Variants in STAM observed in about 807,000 individuals in gnomAD.
STAM encodes the protein signal transducing adapter molecule 1.
A neutral mutation model predicts 63.4 loss-of-function variants in STAM; 16 were observed. The observed-to-expected ratio is 0.25, with a 90% CI of 0.17 to 0.38. The LOEUF (loss-of-function observed/expected upper bound fraction) is 0.38, where lower values mean the gene tolerates loss of function less well. Ranked by LOEUF, STAM falls within the 10% of genes least tolerant of loss-of-function variation. STAM has a pLI of 1.00. For synonymous variants in STAM, 238 were observed against 223.9 expected, an observed-to-expected ratio of 1.06 and a Z score of -0.56; for missense variants, 636 against 657.1, an observed-to-expected ratio of 0.97 and a Z score of 0.35.
intron 2 of STAM, among the ~76,000 whole-genome samples, chr10:17,669,357 T>G (rs1834531215): frequency 6.6e-6 from 1 of 151,552 alleles, no homozygotes; most frequent in South Asian, 2.1e-4. Flanking sequence ...TCTTGAGGTT[T>G]TTTTTTTTTT....
At chr10:17,709,466 T>G (rs1329228008) in intron 13 of STAM, among the ~76,000 whole-genome samples, 1 of 152,192 alleles carries the variant, frequency 6.6e-6, no homozygotes, top group African/African-American at 2.4e-5. Flanking sequence ...CACCCTTGTT[T>G]CTCAGGAGGC....
intron 1 of STAM, among the ~76,000 whole-genome samples, chr10:17,644,809 G>C (rs957902579): frequency 1.2e-4 from 19 of 152,280 alleles, no homozygotes; most frequent in African/African-American, 4.1e-4. Context: ...GAATGTTTTA[G>C]GTAAGGTTCC....
chr10:17,659,172 T>A (rs1300307112), intron 1 of STAM, among the ~76,000 whole-genome samples: 1 of 152,040 alleles, frequency 6.6e-6, no homozygotes, highest in Non-Finnish European at 1.5e-5. Flanking sequence ...CTAATCCAAG[T>A]CTGCTTTCAG....
At chr10:17,702,625 T>C (rs1836047727) in intron 9 of STAM, among the ~76,000 whole-genome samples, 1 of 152,118 alleles carries the variant, frequency 6.6e-6, no homozygotes, top group African/African-American at 2.4e-5. Flanking sequence ...AGAAACAAAA[T>C]TTGAAGAGCG....
At chr10:17,661,381 T>C (rs1830387062) in intron 2 of STAM, among the ~76,000 whole-genome samples, 1 of 152,208 alleles carries the variant, frequency 6.6e-6, no homozygotes, top group Admixed American at 6.5e-5. Context: ...TTGCCTCTTC[T>C]TCCTTCACCC....
intron 1 of STAM, among the ~76,000 whole-genome samples, chr10:17,647,295 A>G (rs1833555534): frequency 1.3e-5 from 2 of 152,314 alleles, no homozygotes; most frequent in South Asian, 4.1e-4. Context: ...CACCTTGCCA[A>G]ATCCAATGGT....
intron 1 of STAM, among the ~76,000 whole-genome samples, chr10:17,647,117 C>T (rs61842264): frequency 0.11 from 17,021 of 152,162 alleles, 1,029 homozygotes; most frequent in Middle Eastern, 0.16. Context: ...TTTTCACTGC[C>T]GTATCCCTAG....
intron 2 of STAM, among the ~76,000 whole-genome samples, chr10:17,682,543 T>G (rs1554825499): frequency 6.6e-6 from 1 of 152,212 alleles, no homozygotes; most frequent in Non-Finnish European, 1.5e-5. Context: ...TTTCCAAATA[T>G]TTGGGTATTT....
intron 1 of STAM, among the ~76,000 whole-genome samples, chr10:17,657,089 C>T (rs563685022): frequency 5.7e-4 from 87 of 152,202 alleles, no homozygotes; most frequent in African/African-American, 2.0e-3. Context: ...CCAGGAAGGT[C>T]GTATACTGCC....
chr10:17,693,737 A>T (rs1835642519), intron 6 of STAM, among the ~76,000 whole-genome samples: 1 of 152,024 alleles, frequency 6.6e-6, no homozygotes, highest in South Asian at 2.1e-4. Flanking sequence ...CCTGTGGATT[A>T]TTTCTGATTT....
At position 17,714,983 on chromosome 10, in the gene STAM, T is replaced by A; in HGVS notation, c.*203T>A. ...TTCCCCCCCCGCCCCTGCAGAGGAA[T>A]GAAACTACTTACAACATTTAATTCC... On this transcript the variant is annotated 3_prime_UTR_variant, in exon 14 of 14. Coordinates refer to ENST00000377524, the MANE Select transcript of STAM (RefSeq NM_003473.4). 1 of 570,732 alleles carries A rather than the reference T, an allele frequency of 1.8e-6. No homozygotes were observed. The highest frequency in any genetic ancestry group is 3.1e-6 in the Non-Finnish European group (1 of 319,886). The allele number at this position is 570,732 out of a possible 1,614,324, so 35.4% of individuals were successfully genotyped here.
intron 2 of STAM, among the ~76,000 whole-genome samples, chr10:17,680,133 G>C (rs962121382): frequency 6.6e-6 from 1 of 151,796 alleles, no homozygotes; most frequent in African/African-American, 2.4e-5. Flanking sequence ...GGGTTTCCTT[G>C]CTCTTTTTCC....
intron 13 of STAM, among the ~76,000 whole-genome samples, chr10:17,713,921 C>T (rs1205677284): frequency 1.2e-4 from 18 of 152,112 alleles, no homozygotes; most frequent in Admixed American, 1.2e-3. Context: ...TCCCCACCAC[C>T]GCAGTCCTGC....
chr10:17,713,851 T>A (rs1412389613), intron 13 of STAM, among the ~76,000 whole-genome samples: 1 of 152,098 alleles, frequency 6.6e-6, no homozygotes, highest in Non-Finnish European at 1.5e-5. Flanking sequence ...TCTGTCTCAC[T>A]CAGAGTGTAA....
chr10:17,685,390 G>C (rs2131633565), intron 4 of STAM, among the ~76,000 whole-genome samples: 1 of 152,290 alleles, frequency 6.6e-6, no homozygotes, highest in South Asian at 2.1e-4. Flanking sequence ...TGAACCCACA[G>C]CTGGAGTTGC....
chr10:17,684,880 G>T lies in STAM; in HGVS notation c.250G>T (p.Val84Leu), dbSNP rs782777553. The T allele has an allele frequency of 1.9e-6, 3 of 1,614,066 alleles. No homozygotes were observed. Among genetic ancestry groups the T allele is most frequent in the East Asian group, 2.2e-5 (1 of 44,864 alleles). Residue 84 changes from valine (V) to leucine (L), a missense_variant, in exon 4 of 14, where the codon GTA becomes TTA. Val to Leu is a conservative substitution (Grantham distance 32). Around this residue, in one of 3 missense-constraint regions of STAM, gnomAD observed 17 missense variants for 39.9 expected, o/e 0.43. Coordinates refer to ENST00000377524, the MANE Select transcript of STAM (RefSeq NM_003473.4). The part of the protein sequence containing the change: ...SNCGKIFHLE[V>L]CSRDFASEVS... ...CTGTGGCAAAATTTTTCATTTAGAA[G>T]TATGTTCAAGAGATTTTGCTAGTGA...
intron 1 of STAM, among the ~76,000 whole-genome samples, chr10:17,659,008 C>G (rs1554822507): frequency 6.6e-6 from 1 of 152,036 alleles, no homozygotes; most frequent in Non-Finnish European, 1.5e-5. Context: ...TTCTTTGTTC[C>G]CATTTTCTAT....
intron 8 of STAM, 72 bp downstream of exon 8, chr10:17,696,941 A>G (rs1480320112): frequency 3.1e-6 from 4 of 1,286,550 alleles, no homozygotes; most frequent in Non-Finnish European, 4.5e-6. Context: ...AGTAAACTGA[A>G]CTTTTTAGAG....
intron 2 of STAM, among the ~76,000 whole-genome samples, chr10:17,667,460 T>A (rs1834441725): frequency 6.6e-6 from 1 of 152,202 alleles, no homozygotes; most frequent in Non-Finnish European, 1.5e-5. Context: ...TTGATTTCCA[T>A]GTTTCACTCA....
Sources: gnomAD v4.1 joint callset for allele counts (sites outside exome capture counted in the v4.1 genomes callset) on GRCh38, gnomAD v4.1.1 for gene constraint, gnomAD v4.1.1 regional missense constraint, MANE v1.5 for transcripts, NCBI Gene and HGNC (gene_info 2026-07-23, HGNC 2026-07-21) for gene names.